The following DCC variants were observed in gnomAD, a reference collection of about 807,000 sequenced individuals.
DCC encodes DCC netrin 1 receptor, also known as netrin receptor DCC.
A neutral mutation model predicts 172.5 loss-of-function variants in DCC; 58 were observed. The ratio of observed to expected loss-of-function variants is 0.34; its 90% confidence interval spans 0.27 to 0.42. DCC has a LOEUF of 0.42. Among genes scored for constraint, DCC ranks in the 10% least tolerant of loss-of-function variants. The pLI is 1.00. For synonymous variants in DCC, 709 were observed against 644.5 expected (o/e 1.10, Z -1.52); for missense variants, 1,740 against 1,791.0 (o/e 0.97, Z 0.51).
intron 19 of DCC, among the ~76,000 whole-genome samples, 170 bp downstream of exon 19, chr18:53,403,063 C>T (rs1180801262): frequency 2.2e-5 from 3 of 139,494 alleles, no homozygotes; most frequent in Non-Finnish European, 4.6e-5. Context: ...CCATGGAATT[C>T]TTCTAATGGT....
intron 1 of DCC, among the ~76,000 whole-genome samples, chr18:52,566,483 G>A (rs1037303848): frequency 1.4e-4 from 21 of 152,014 alleles, no homozygotes; most frequent in African/African-American, 4.6e-4. Flanking sequence ...AAACCTGCAC[G>A]TTCTGCACAT....
intron 26 of DCC, among the ~76,000 whole-genome samples, chr18:53,496,889 T>G (rs572090498): frequency 6.6e-6 from 1 of 151,788 alleles, no homozygotes; most frequent in East Asian, 1.9e-4. Flanking sequence ...ATGTAGATTT[T>G]ATTTCAAAAA....
At chr18:52,923,893 T>C in intron 4 of DCC, 36 bp downstream of exon 4, 1 of 1,490,812 alleles carries the variant, frequency 6.7e-7, no homozygotes, top group African/African-American at 1.4e-5. Context: ...TAAAGTGTAC[T>C]TTTGTATGGT....
intron 5 of DCC, among the ~76,000 whole-genome samples, chr18:53,048,368 CAT>C (rs2042287331): frequency 6.6e-6 from 1 of 151,696 alleles, no homozygotes; most frequent in South Asian, 2.1e-4. Context: ...TAAGTGAGAA[CAT>C]GTGGTATTTG....
chr18:53,080,949 T>C (rs928474184), intron 7 of DCC, among the ~76,000 whole-genome samples: 66 of 152,048 alleles, frequency 4.3e-4, no homozygotes, highest in Admixed American at 3.7e-3. Context: ...TGGACATATT[T>C]TACCCAGCTT....
At chr18:53,159,042 CA>C in intron 8 of DCC, among the ~76,000 whole-genome samples, 1 of 149,406 alleles carries the variant, frequency 6.7e-6, no homozygotes, top group South Asian at 2.2e-4. Context: ...GCCTTGTGCT[CA>C]CTAAGATTAT....
chr18:52,902,942 C>T (rs554385281), intron 2 of DCC, among the ~76,000 whole-genome samples: 6 of 152,158 alleles, frequency 3.9e-5, no homozygotes, highest in Non-Finnish European at 8.8e-5. Flanking sequence ...GCAGTTCTGG[C>T]CCTGGCTTGT....
At chr18:53,137,079 A>G (rs186199839) in intron 7 of DCC, among the ~76,000 whole-genome samples, 15 of 152,376 alleles carry the variant, frequency 9.8e-5, no homozygotes, top group Admixed American at 7.8e-4. Context: ...ATTGACCTAC[A>G]TGATAGACTG....
At chr18:53,103,203 A>T (rs1568306650) in intron 7 of DCC, among the ~76,000 whole-genome samples, 2 of 152,022 alleles carry the variant, frequency 1.3e-5, no homozygotes, top group Admixed American at 6.6e-5. Flanking sequence ...ACATGATCAT[A>T]ACACGAACTA....
rs568709377 is a variant in DCC at position 53,014,559 on chromosome 18, G to A, written c.986-48746G>A. Among the ~76,000 whole-genome samples the A allele has an allele frequency of 3.1e-4, 46 of 150,336 alleles. 1 individual carries two copies. Among genetic ancestry groups the A allele is most frequent in the Middle Eastern group, 3.4e-3 (1 of 290 alleles). ...GCAGTGTTTGGTTTTTTGTCCTTGC[G>A]ATAGTTTGCTGAGAATGATGGGGGA... On this transcript the variant is annotated intron_variant, in intron 5 of 28. Transcript: ENST00000442544.
intron 1 of DCC, among the ~76,000 whole-genome samples, chr18:52,389,141 T>C (rs1044068312): frequency 5.9e-5 from 9 of 152,074 alleles, no homozygotes; most frequent in African/African-American, 2.2e-4. Context: ...TTCCATTTCA[T>C]CTTGTCGATG....
At chr18:52,413,549 G>T (rs1363229701) in intron 1 of DCC, among the ~76,000 whole-genome samples, 4 of 151,784 alleles carry the variant, frequency 2.6e-5, no homozygotes, top group Non-Finnish European at 5.9e-5. Context: ...TTTATTGGTG[G>T]TTGAATATAG....
At chr18:52,459,350 C>G (rs1305616102) in intron 1 of DCC, among the ~76,000 whole-genome samples, 1 of 152,266 alleles carries the variant, frequency 6.6e-6, no homozygotes, top group East Asian at 1.9e-4. Context: ...TTCCTCCTCC[C>G]ACCCTCCACC....
intron 7 of DCC, among the ~76,000 whole-genome samples, chr18:53,094,896 T>C (rs192393747): frequency 5.3e-4 from 81 of 152,320 alleles, no homozygotes; most frequent in African/African-American, 1.9e-3. Flanking sequence ...GTCTAATAAA[T>C]AATAGAGGAC....
chr18:52,690,979 C>A (rs569949425), intron 1 of DCC, among the ~76,000 whole-genome samples: 2 of 152,122 alleles, frequency 1.3e-5, no homozygotes, highest in East Asian at 1.9e-4. Flanking sequence ...CGAAGGTCTG[C>A]CTCTCCAGGG....
chr18:52,610,303 C>T (rs554234975), intron 1 of DCC, among the ~76,000 whole-genome samples: 7 of 114,078 alleles, frequency 6.1e-5, no homozygotes, highest in South Asian at 3.2e-4. Flanking sequence ...TTGCTTGAAC[C>T]TGGGAGGCAG....
chr18:53,268,905 C>T (rs1407783503), intron 12 of DCC, among the ~76,000 whole-genome samples: 1 of 152,072 alleles, frequency 6.6e-6, no homozygotes, highest in African/African-American at 2.4e-5. Context: ...GCAAAGACCA[C>T]CTTTGGGATA....
At chr18:52,869,053 C>A (rs1241223901) in intron 2 of DCC, among the ~76,000 whole-genome samples, 1 of 152,230 alleles carries the variant, frequency 6.6e-6, no homozygotes, top group Non-Finnish European at 1.5e-5. Flanking sequence ...CTTGAAGCTC[C>A]CAGGTCTGGG....
At chr18:53,012,299 CAATAA>C (rs560953606) in intron 5 of DCC, among the ~76,000 whole-genome samples, 75 of 151,940 alleles carry the variant, frequency 4.9e-4, no homozygotes, top group African/African-American at 1.7e-3. Flanking sequence ...TATACATCAA[CAATAA>C]AATAAACAAT....
Sources: gnomAD v4.1 joint callset for allele counts (sites outside exome capture counted in the v4.1 genomes callset) on GRCh38, gnomAD v4.1.1 for gene constraint, MANE v1.5 for transcripts, NCBI Gene and HGNC (gene_info 2026-07-23, HGNC 2026-07-21) for gene names.